The following GPC3 variants were observed in gnomAD, a reference collection of about 807,000 sequenced individuals.
GPC3 encodes glypican-3.
GPC3 carries 3 observed loss-of-function variants against 34.4 expected under a neutral mutation model. The observed-to-expected ratio is 0.09, with a 90% CI of 0.04 to 0.23. The LOEUF (loss-of-function observed/expected upper bound fraction) is 0.23. GPC3 is among the 10% of genes least tolerant of loss of function. The probability of loss-of-function intolerance (pLI) is 1.00; values close to 1 mark genes in which losing one functional copy is unlikely to be tolerated. For synonymous variants in GPC3, 177 were observed against 174.0 expected (o/e 1.02, Z -0.13); for missense variants, 351 against 445.6 (o/e 0.79, Z 1.91).
intron 7 of GPC3, among the ~76,000 whole-genome samples, chrX:133,538,049 G>A (rs760979578): frequency 2.7e-5 from 3 of 111,514 alleles, no homozygotes; most frequent in South Asian, 3.8e-4. Context: ...CTGAGTACTC[G>A]TAATAATTCA....
chrX:133,805,184 AAG>A (rs2075629872), intron 2 of GPC3, among the ~76,000 whole-genome samples: 1 of 112,425 alleles, frequency 8.9e-6, no homozygotes, highest in Non-Finnish European at 1.9e-5. Flanking sequence ...GCAAATAAAA[AAG>A]AAATATATAA....
At chrX:133,768,329 TCTC>T (rs1405712909) in intron 2 of GPC3, among the ~76,000 whole-genome samples, 1 of 111,427 alleles carries the variant, frequency 9.0e-6, no homozygotes, top group Non-Finnish European at 1.9e-5. Flanking sequence ...GCAAAACTTT[TCTC>T]CTTTTTCCAG....
In GPC3 at chrX:133,985,428, C is replaced by T. The variant is rs772076246; in HGVS notation, c.22G>A (p.Ala8Thr). ...AGCAGCATCGCCACCACCAAGCACG[C>T]GGTGCGCACGGTCCCGGCCATCCTG... MAGTVRT[A>T]CLVVAMLLSL... is the part of the protein sequence containing the mutation. Residue 8 changes from alanine to threonine, a missense_variant, in exon 1 of 8, where the codon GCG becomes ACG. Physicochemically the swap from Ala to Thr is moderately conservative, Grantham distance 58 (BLOSUM62 0). Coordinates refer to ENST00000370818, the MANE Select transcript of GPC3 (RefSeq NM_004484.4). 1.7e-6 allele frequency: 2 copies of T among 1,174,644 alleles called. No individual in the cohort carries two copies. The highest frequency in any genetic ancestry group is 5.0e-5 in the Admixed American group (2 of 40,201).
intron 2 of GPC3, among the ~76,000 whole-genome samples, chrX:133,851,940 TACTG>T (rs1361929552): frequency 8.9e-6 from 1 of 111,864 alleles, no homozygotes; most frequent in Non-Finnish European, 1.9e-5. Context: ...CAGAACATAC[TACTG>T]ACTAAGAAGA....
chrX:133,857,864 G>A (rs2075912126), intron 2 of GPC3, among the ~76,000 whole-genome samples: 1 of 112,153 alleles, frequency 8.9e-6, no homozygotes, highest in Non-Finnish European at 1.9e-5. Flanking sequence ...AATTATTCCT[G>A]AACAATAAAG....
At chrX:133,863,058 A>G (rs1267590915) in intron 2 of GPC3, among the ~76,000 whole-genome samples, 1 of 112,992 alleles carries the variant, frequency 8.9e-6, no homozygotes, top group Admixed American at 9.3e-5. Context: ...CAGTTCTAAG[A>G]ACATTCAACA....
At chrX:133,843,280 G>C (rs1422972750) in intron 2 of GPC3, among the ~76,000 whole-genome samples, 1 of 111,371 alleles carries the variant, frequency 9.0e-6, no homozygotes, top group Non-Finnish European at 1.9e-5. Context: ...TGGATCATGG[G>C]GACAGATCCC....
chrX:133,954,023 A>G (rs952956140), intron 1 of GPC3, among the ~76,000 whole-genome samples: 4 of 112,491 alleles, frequency 3.6e-5, no homozygotes, highest in Non-Finnish European at 7.5e-5. Flanking sequence ...TACTGGAGGG[A>G]CAAAACTCAA....
intron 2 of GPC3, among the ~76,000 whole-genome samples, chrX:133,848,128 C>A (rs1306523811): frequency 2.7e-5 from 3 of 111,796 alleles, no homozygotes; most frequent in Admixed American, 1.9e-4. Flanking sequence ...GAAAGAGGTG[C>A]TGCCAATAAT....
chrX:133,594,185 G>A (rs933455725), intron 7 of GPC3, among the ~76,000 whole-genome samples: 1 of 112,210 alleles, frequency 8.9e-6, no homozygotes, highest in Non-Finnish European at 1.9e-5. Context: ...GGGCCTAATT[G>A]CATTTAAGGG....
intron 2 of GPC3, among the ~76,000 whole-genome samples, chrX:133,882,449 G>GT (rs1407024287): frequency 9.0e-6 from 1 of 111,530 alleles, no homozygotes; most frequent in Non-Finnish European, 1.9e-5. Flanking sequence ...CCGTTTAGAT[G>GT]TATCATTGTT....
chrX:133,566,196 G>A (rs769065688), intron 7 of GPC3, among the ~76,000 whole-genome samples: 12 of 111,934 alleles, frequency 1.1e-4, no homozygotes, highest in Non-Finnish European at 2.1e-4. Context: ...TCACCATAAT[G>A]TGCACTGCTG....
chrX:133,922,481 C>G lies in GPC3; in HGVS notation c.337+30569G>C, dbSNP rs185160970. ...TGGATACTTTCTAAACTCCTCTAGC[C>G]ACTATAAGGGTGACCTCAGGAACTA... On this transcript the variant is annotated intron_variant, in intron 2 of 7. Transcript: ENST00000370818. Among the ~76,000 whole-genome samples, 221 of 111,639 alleles carry G rather than the reference C, an allele frequency of 2.0e-3. 2 individuals are homozygous for G. Among genetic ancestry groups the G allele is most frequent in the African/African-American group, 5.9e-3 (180 of 30,696 alleles).
At chrX:133,813,051 TCTTTCTGAGAATTCA>T (rs1482932367) in intron 2 of GPC3, among the ~76,000 whole-genome samples, 1 of 112,950 alleles carries the variant, frequency 8.9e-6, no homozygotes, top group Non-Finnish European at 1.9e-5. Context: ...TGAGAAACTC[TCTTTCTGAGAATTCA>T]CTTGGCAATT....
chrX:133,897,523 A>T (rs1603268101), intron 2 of GPC3, among the ~76,000 whole-genome samples: 1 of 110,284 alleles, frequency 9.1e-6, no homozygotes, highest in Middle Eastern at 4.7e-3. Flanking sequence ...GTATATAAGG[A>T]TACCGTGCTA....
At chrX:133,674,322 G>A (rs1156266664) in intron 5 of GPC3, among the ~76,000 whole-genome samples, 2 of 111,601 alleles carry the variant, frequency 1.8e-5, no homozygotes, top group Non-Finnish European at 3.8e-5. Flanking sequence ...CCCACATTGA[G>A]AACTTAAGAA....
intron 2 of GPC3, among the ~76,000 whole-genome samples, chrX:133,844,390 C>T (rs1395638475): frequency 9.0e-6 from 1 of 111,647 alleles, no homozygotes; most frequent in Non-Finnish European, 1.9e-5. Context: ...ACACTGTACA[C>T]TTTAAACATA....
chrX:133,790,052 C>A (rs1471483945), intron 2 of GPC3, among the ~76,000 whole-genome samples: 2 of 111,225 alleles, frequency 1.8e-5, no homozygotes, highest in Admixed American at 1.9e-4. Context: ...CTAGGGTAAT[C>A]AGTGCACAAT....
At chrX:133,595,628 T>C (rs1321497189) in intron 7 of GPC3, among the ~76,000 whole-genome samples, 1 of 111,018 alleles carries the variant, frequency 9.0e-6, no homozygotes, top group Non-Finnish European at 1.9e-5. Context: ...CCTCCTGGAC[T>C]GAAGCAATCC....
Sources: gnomAD v4.1 joint callset for allele counts (sites outside exome capture counted in the v4.1 genomes callset) on GRCh38, gnomAD v4.1.1 for gene constraint, MANE v1.5 for transcripts, NCBI Gene and HGNC (gene_info 2026-07-23, HGNC 2026-07-21) for gene names.